Variants in FGB observed in about 807,000 individuals in gnomAD.
FGB encodes beta-fibrinogen.
In FGB, 25 loss-of-function variants were observed where a neutral mutation model predicts 57.9. The observed-to-expected ratio is 0.43, with a 90% CI of 0.31 to 0.60. The LOEUF is 0.60. Among genes scored for constraint, FGB ranks in the 20% least tolerant of loss-of-function variants. The pLI is 0.08. For synonymous variants in FGB, 203 were observed against 199.2 expected (o/e 1.02, Z -0.16); for missense variants, 536 against 598.4 (o/e 0.90, Z 1.09).
intron 2 of FGB, 116 bp downstream of exon 2, chr4:154,566,115 T>A: frequency 1.1e-6 from 1 of 915,244 alleles, no homozygotes; most frequent in Non-Finnish European, 1.7e-6. Context: ...ATTTTGTTTG[T>A]TTATTTTGGA....
intron 1 of FGB, among the ~76,000 whole-genome samples, chr4:154,563,956 G>A (rs917832381): frequency 3.3e-5 from 5 of 151,774 alleles, no homozygotes; most frequent in Non-Finnish European, 5.9e-5. Context: ...GATTCATTTC[G>A]GATCATTATT....
At position 154,571,784 on chromosome 4, in the gene FGB, G is replaced by A. The variant is rs1730439227; in HGVS notation, c.*1134G>A. Among the ~76,000 whole-genome samples the A allele has an allele frequency of 6.6e-6, 1 of 151,932 alleles. No homozygotes were observed. ...CAACACTTCACTCCAAGTCGCCACG[G>A]GCAACCTTATGACCCTAGGTCCTCC... On this transcript the variant is annotated 3_prime_UTR_variant, in exon 8 of 8. Coordinates refer to ENST00000302068, the MANE Select transcript of FGB (RefSeq NM_005141.5).
chr4:154,568,551 T>C (rs369440850), intron 5 of FGB, 57 bp downstream of exon 5: 72 of 1,011,042 alleles, frequency 7.1e-5, no homozygotes, highest in South Asian at 6.8e-4. Flanking sequence ...TACCGTAAAA[T>C]GCCAGGAAAC....
Position 154,571,184 on chromosome 4 carries a change from C to T in FGB, c.*534C>T, listed in dbSNP as rs1730408883. On this transcript the variant is annotated 3_prime_UTR_variant, in exon 8 of 8. Transcript: ENST00000302068. The stretch of plus-strand genomic sequence containing the variant: ...TTCACAACCTCAAATAGCTAATAAA[C>T]CGGTCTTGAATATTTGAAGATTTAA... 1 of 189,156 alleles carries T rather than the reference C, an allele frequency of 5.3e-6. No individual in the cohort carries two copies. The highest frequency in any genetic ancestry group is 2.4e-5 in the African/African-American group (1 of 41,610). The allele number at this position is 189,156 out of a possible 1,614,324, so 11.7% of individuals were successfully genotyped here.
intron 1 of FGB, among the ~76,000 whole-genome samples, chr4:154,564,979 G>T (rs1377424114): frequency 6.6e-6 from 1 of 152,124 alleles, no homozygotes; most frequent in Non-Finnish European, 1.5e-5. Context: ...AAATAATTTT[G>T]TTGATAGAAG....
chr4:154,566,394 G>T, intron 2 of FGB, 95 bp from the exon 3 acceptor site: 1 of 1,146,896 alleles, frequency 8.7e-7, no homozygotes, highest in South Asian at 1.2e-5. Flanking sequence ...TTTTATGTTG[G>T]CTAATCGTAT....
chr4:154,568,609 G>T, intron 5 of FGB, 115 bp downstream of exon 5: 1 of 713,688 alleles, frequency 1.4e-6, no homozygotes, highest in Non-Finnish European at 2.6e-6. Flanking sequence ...ACCTTGGGAG[G>T]CCAAAGTGGG....
chr4:154,569,701 C>CCTCATGGATGGAGCATCTCAG lies in FGB; in HGVS notation c.1149_1169dup (p.Asp385_Met391dup). ...AATACAGAGGAACAGCCGGTAATGC[C>CCTCATGGATGGAGCATCTCAG]CTCATGGATGGAGCATCTCAGCTGA... On this transcript the variant is annotated inframe_insertion, in exon 7 of 8. Coordinates refer to ENST00000302068, the MANE Select transcript of FGB (RefSeq NM_005141.5). 1 of 1,614,068 alleles carries CCTCATGGATGGAGCATCTCAG rather than the reference C, an allele frequency of 6.2e-7. No homozygotes were observed. Among genetic ancestry groups the CCTCATGGATGGAGCATCTCAG allele is most frequent in the South Asian group, 1.1e-5 (1 of 91,070 alleles).
intron 1 of FGB, among the ~76,000 whole-genome samples, chr4:154,564,337 T>C (rs1203466600): frequency 2.6e-5 from 4 of 152,076 alleles, no homozygotes; most frequent in Non-Finnish European, 4.4e-5. Context: ...ATGCTACCTC[T>C]CTAGTGGCAC....
chr4:154,570,257 G>A (rs896448763), intron 7 of FGB, among the ~76,000 whole-genome samples, 162 bp from the exon 8 acceptor site: 2 of 152,144 alleles, frequency 1.3e-5, no homozygotes, highest in African/African-American at 4.8e-5. Flanking sequence ...TCTTGCTATA[G>A]GGCACAGGAG....
Position 154,570,654 on chromosome 4 carries a change from CCAATA to C in FGB, c.*6_*10del. 6.2e-7 allele frequency: 1 copy of C among 1,606,896 alleles called. No individual in the cohort carries two copies. The highest frequency in any genetic ancestry group is 2.2e-5 in the East Asian group (1 of 44,828). On this transcript the variant is annotated 3_prime_UTR_variant, in exon 8 of 8. Coordinates refer to ENST00000302068, the MANE Select transcript of FGB (RefSeq NM_005141.5). Reference sequence around the variant, plus strand: ...GCCCTTCTTCCCACAGCAATAGTCCCCAATACGTAGATTTTTGCTCTTCTGTATGT... The same window carrying C: ...GCCCTTCTTCCCACAGCAATAGTCCCCGTAGATTTTTGCTCTTCTGTATGT...
rs1394164318 is a variant in FGB, at chr4:154,570,408, T to G, written c.1245-11T>G. 6.2e-7 allele frequency: 1 copy of G among 1,606,526 alleles called. No individual in the cohort carries two copies. ...TCTGTTTCTAATAACGCCAAACACA[T>G]TTTCTTTCAGGTTAACATCAGATCC... On this transcript the variant is annotated splice_polypyrimidine_tract_variant and intron_variant, in intron 7 of 7. Transcript: ENST00000302068.
At chr4:154,567,360 C>G (rs1021705428) in intron 3 of FGB, among the ~76,000 whole-genome samples, 11 of 152,172 alleles carry the variant, frequency 7.2e-5, no homozygotes, top group Non-Finnish European at 1.5e-4. Context: ...TTACTGGACA[C>G]AATCTTTAGC....
At chr4:154,568,343 C>G in intron 4 of FGB, 38 bp from the exon 5 acceptor site, 1 of 1,058,566 alleles carries the variant, frequency 9.4e-7, no homozygotes, top group Non-Finnish European at 1.5e-6. Flanking sequence ...GTAATTATGT[C>G]ATAAACCCCT....
chr4:154,566,292 A>AT (rs1434422856), intron 2 of FGB, among the ~76,000 whole-genome samples, 197 bp from the exon 3 acceptor site: 4 of 152,014 alleles, frequency 2.6e-5, no homozygotes, highest in Non-Finnish European at 5.9e-5. Flanking sequence ...GCCCAATTAT[A>AT]TTTTTTCTGG....
Position 154,566,470 on chromosome 4 carries a change from C to G in FGB, c.307-19C>G. ...ACCCAAATCCTTCATCTAATGCCTGCTATTTTCTTTGTTTTTAGGGGGTGT... is the reference window on the plus strand; with the variant it reads ...ACCCAAATCCTTCATCTAATGCCTGGTATTTTCTTTGTTTTTAGGGGGTGT... On this transcript the variant is annotated intron_variant, in intron 2 of 7. Coordinates refer to ENST00000302068, the MANE Select transcript of FGB (RefSeq NM_005141.5). The G allele has an allele frequency of 6.2e-7, 1 of 1,612,954 alleles. No individual in the cohort carries two copies. Among genetic ancestry groups the G allele is most frequent in the South Asian group, 1.1e-5 (1 of 91,044 alleles).
intron 7 of FGB, 125 bp from the exon 8 acceptor site, chr4:154,570,294 T>C: frequency 1.3e-6 from 1 of 746,476 alleles, no homozygotes; most frequent in Non-Finnish European, 2.4e-6. Context: ...TGTGACTCTA[T>C]GTATAGCACC....
At chr4:154,569,042 A>T (rs2110774699) in intron 5 of FGB, 140 bp from the exon 6 acceptor site, 1 of 915,132 alleles carries the variant, frequency 1.1e-6, no homozygotes, top group East Asian at 2.5e-5. Flanking sequence ...TTTACCTCTC[A>T]TATTTATTTC....
rs1258637928 is a variant in FGB at position 154,563,092 on chromosome 4, T to C, written c.74T>C (p.Val25Ala). The C allele has an allele frequency of 1.3e-6, 2 of 1,571,786 alleles. No homozygotes were observed. Among genetic ancestry groups the C allele is most frequent in the East Asian group, 2.3e-5 (1 of 43,040 alleles). Residue 25 changes from valine to alanine, a missense_variant, in exon 1 of 8, where the codon GTT becomes GCT. Physicochemically the swap from Val to Ala is moderately conservative, Grantham distance 64. Around this residue, in one of 3 missense-constraint regions of FGB, gnomAD observed 354 missense variants for 383.4 expected, o/e 0.92. Coordinates refer to ENST00000302068, the MANE Select transcript of FGB (RefSeq NM_005141.5). ...MKHLLLLLLC[V>A]FLVKSQGVND... ...CATCTATTATTGCTACTATTGTGTGTTTTTCTAGTTAAGTCCCAAGGTGTC... is the reference window on the plus strand; with the variant it reads ...CATCTATTATTGCTACTATTGTGTGCTTTTCTAGTTAAGTCCCAAGGTGTC...
Sources: gnomAD v4.1 joint callset for allele counts (sites outside exome capture counted in the v4.1 genomes callset) on GRCh38, gnomAD v4.1.1 for gene constraint, gnomAD v4.1.1 regional missense constraint, MANE v1.5 for transcripts, NCBI Gene and HGNC (gene_info 2026-07-23, HGNC 2026-07-21) for gene names.